GCNT1: variants seen among roughly 807,000 people sequenced by gnomAD.
The protein encoded by GCNT1 is glucosaminyl (N-acetyl) transferase 1, also known as beta-1,3-galactosyl-O-glycosyl-glycoprotein beta-1,6-N-acetylglucosaminyltransferase.
GCNT1 carries 16 observed loss-of-function variants against 26.2 expected under a neutral mutation model. The ratio of observed to expected loss-of-function variants is 0.61; its 90% CI spans 0.41 to 0.93. The LOEUF is 0.93. Ranked by LOEUF, GCNT1 falls within the 40% of genes least tolerant of loss-of-function variation. The pLI is 0.00. For missense variants in GCNT1, 477 were observed against 526.7 expected, an observed-to-expected ratio of 0.91 and a Z score of 0.92; for synonymous variants, 183 against 190.8, an observed-to-expected ratio of 0.96 and a Z score of 0.34.
chr9:76,435,189 C>T (rs1823391052), intron 1 of GCNT1, among the ~76,000 whole-genome samples: 1 of 152,116 alleles, frequency 6.6e-6, no homozygotes, highest in Non-Finnish European at 1.5e-5. Flanking sequence ...CATACAGCCC[C>T]TCCCCTTTTA....
chr9:76,439,791 T>C (rs183669049), upstream of GCNT1, among the ~76,000 whole-genome samples: 4 of 152,248 alleles, frequency 2.6e-5, no homozygotes, highest in Admixed American at 2.0e-4. Flanking sequence ...CCACATGATA[T>C]CAAGATTGCA....
the GCNT1 span, chr9:76,399,551 A>T: frequency 2.6e-6 from 4 of 1,524,492 alleles, no homozygotes. Context: ...TGCTCAGGCC[A>T]CTGAATGGGT....
chr9:76,415,767 T>G (rs1313776638), upstream of GCNT1, among the ~76,000 whole-genome samples: 3 of 152,224 alleles, frequency 2.0e-5, no homozygotes, highest in Admixed American at 6.5e-5. Context: ...AATTACACAA[T>G]GCTTGGGCCC....
Position 76,502,390 on chromosome 9 carries a change from G to A in GCNT1, c.9G>A (p.Arg3=). The A allele has an allele frequency of 6.2e-7, 1 of 1,608,964 alleles. No homozygotes were observed. The highest frequency in any genetic ancestry group is 2.2e-5 in the East Asian group (1 of 44,844). Residue 3 remains arginine (R), a synonymous_variant, in exon 4 of 4, where the codon AGG becomes AGA. Transcript: ENST00000376730. ...CCTGATTATTGTTTGAAATGCTGAG[G>A]ACGTTGCTGCGAAGGAGACTTTTTT... is the stretch of plus-strand genomic sequence containing the variant. The part of the protein sequence containing the change: ML[R]TLLRRRLFSY...
chr9:76,495,390 G>T (rs1337594086), intron 2 of GCNT1, among the ~76,000 whole-genome samples: 2 of 152,190 alleles, frequency 1.3e-5, no homozygotes, highest in Non-Finnish European at 2.9e-5. Flanking sequence ...CTTAAAGGTG[G>T]TGGGGACCCA....
At chr9:76,426,190 T>A (rs1020330839) in intron 1 of GCNT1, among the ~76,000 whole-genome samples, 2 of 152,320 alleles carry the variant, frequency 1.3e-5, no homozygotes, top group South Asian at 4.1e-4. Context: ...CCAAAGTTAG[T>A]TCGTCCTGCG....
intron 2 of GCNT1, among the ~76,000 whole-genome samples, chr9:76,467,403 CT>C (rs1824025293): frequency 6.6e-6 from 1 of 151,580 alleles, no homozygotes; most frequent in Admixed American, 6.6e-5. Flanking sequence ...GGGGAAGGAC[CT>C]TTTCAAGCCC....
At chr9:76,456,015 C>T (rs936520497), upstream of GCNT1, among the ~76,000 whole-genome samples, 1 of 152,158 alleles carries the variant, frequency 6.6e-6, no homozygotes, top group Non-Finnish European at 1.5e-5. Flanking sequence ...AGACACTTTC[C>T]CACATCTATA....
At chr9:76,424,941 C>A (rs1198805264) in intron 1 of GCNT1, among the ~76,000 whole-genome samples, 1 of 151,976 alleles carries the variant, frequency 6.6e-6, no homozygotes. Context: ...AGATTGAGAC[C>A]ATCCTGGCTA....
chr9:76,502,279 A>G lies in GCNT1; in HGVS notation c.-103A>G, dbSNP rs1377797048. On this transcript the variant is annotated 5_prime_UTR_variant, in exon 4 of 4. An upstream start codon of the reference 5' UTR is lost. Coordinates refer to ENST00000376730, the MANE Select transcript of GCNT1 (RefSeq NM_001490.5). The stretch of plus-strand genomic sequence containing the variant: ...CAAGATGCCGTTGCAGCTCTGATAA[A>G]TGCAAACTGACAACCTTCAAGGCCA... 1.5e-6 allele frequency: 1 copy of G among 685,142 alleles called. No individual in the cohort carries two copies. The highest frequency in any genetic ancestry group is 2.5e-6 in the Non-Finnish European group (1 of 402,762). The allele number at this position is 685,142 out of a possible 1,614,324, so 42.4% of individuals were successfully genotyped here.
chr9:76,470,757 ATTT>A (rs1245020898), intron 2 of GCNT1, among the ~76,000 whole-genome samples: 1 of 152,152 alleles, frequency 6.6e-6, no homozygotes, highest in Non-Finnish European at 1.5e-5. Flanking sequence ...TACAATTATT[ATTT>A]GTCAATTAAA....
At chr9:76,485,263 C>T (rs868441695) in intron 2 of GCNT1, among the ~76,000 whole-genome samples, 13 of 152,152 alleles carry the variant, frequency 8.5e-5, no homozygotes, top group Admixed American at 1.3e-4. Flanking sequence ...ACCTCCACCT[C>T]CCAGGTTCAA....
upstream of GCNT1, among the ~76,000 whole-genome samples, chr9:76,419,220 A>G (rs1272700363): frequency 1.3e-5 from 2 of 152,068 alleles, no homozygotes; most frequent in Non-Finnish European, 2.9e-5. Flanking sequence ...TCTTATTTAC[A>G]TGATTATTGG....
At chr9:76,490,461 G>A (rs934419845) in intron 2 of GCNT1, among the ~76,000 whole-genome samples, 1 of 152,204 alleles carries the variant, frequency 6.6e-6, no homozygotes, top group African/African-American at 2.4e-5. Flanking sequence ...GGTATTAGTT[G>A]TATGGCCCTG....
At chr9:76,485,480 C>T (rs72747357) in intron 2 of GCNT1, among the ~76,000 whole-genome samples, 2,543 of 152,086 alleles carry the variant, frequency 0.017, 36 homozygotes, top group Admixed American at 0.025. Flanking sequence ...CTGGCCTGCA[C>T]CTGGCCTGCA....
chr9:76,413,659 T>TTTTTTTTG, the GCNT1 span, among the ~76,000 whole-genome samples: 7 of 105,504 alleles, frequency 6.6e-5, no homozygotes, highest in Non-Finnish European at 1.1e-4. Flanking sequence ...TTTTGTTTTT[T>TTTTTTTTG]TTTTTTTTGT....
the GCNT1 span, among the ~76,000 whole-genome samples, chr9:76,407,799 G>A: frequency 2.0e-5 from 3 of 152,126 alleles, no homozygotes; most frequent in Non-Finnish European, 4.4e-5. Flanking sequence ...TTTCATCAGA[G>A]TTTTGTAGTT....
chr9:76,405,691 A>T, the GCNT1 span, among the ~76,000 whole-genome samples: 36 of 152,338 alleles, frequency 2.4e-4, no homozygotes, highest in South Asian at 6.8e-3. Flanking sequence ...TATGCAGTTA[A>T]GTTTCCTCCA....
the GCNT1 span, among the ~76,000 whole-genome samples, chr9:76,410,081 C>T: frequency 2.6e-5 from 4 of 152,108 alleles, no homozygotes; most frequent in South Asian, 8.3e-4. Flanking sequence ...CTTTCTGTTA[C>T]TGGTTTCTAG....
Sources: gnomAD v4.1 joint callset for allele counts (sites outside exome capture counted in the v4.1 genomes callset) on GRCh38, gnomAD v4.1.1 for gene constraint, MANE v1.5 for transcripts, NCBI Gene and HGNC (gene_info 2026-07-23, HGNC 2026-07-21) for gene names.